ZNF276: variants seen among roughly 807,000 people sequenced by gnomAD.
ZNF276 encodes zinc finger protein 276, also known as centromere protein Z.
In ZNF276, 59 loss-of-function variants were observed where a neutral mutation model predicts 63.9. That is an observed-to-expected ratio of 0.92 (90% CI 0.75 to 1.15). ZNF276 has a LOEUF of 1.15. Ranked by LOEUF, ZNF276 falls within the 50% of genes most tolerant of loss-of-function variation. ZNF276 has a pLI of 0.00. For missense variants in ZNF276, 1,084 were observed against 843.8 expected (o/e 1.28, Z -3.53); for synonymous variants, 496 against 348.4 (o/e 1.42, Z -4.72).
Position 89,729,354 on chromosome 16 carries a change from G to A in ZNF276, c.1169+36G>A, listed in dbSNP as rs375243846. 91 of 1,596,602 alleles carry A rather than the reference G, an allele frequency of 5.7e-5. No individual in the cohort carries two copies. In the South Asian group the frequency reaches 7.4e-4, roughly 13 times the overall value. On this transcript the variant is annotated intron_variant, in intron 6 of 10. Coordinates refer to ENST00000443381, the MANE Select transcript of ZNF276 (RefSeq NM_001113525.2). ...AGCCCGGGGTCTGCTGGAGGCATCCGTTGGGCGACCTAGACACCCGCCTGT... is the reference window on the plus strand; with the variant it reads ...AGCCCGGGGTCTGCTGGAGGCATCCATTGGGCGACCTAGACACCCGCCTGT...
At chr16:89,727,431 G>A (rs1309312113) in intron 5 of ZNF276, 74 bp downstream of exon 5, 3 of 1,531,230 alleles carry the variant, frequency 2.0e-6, no homozygotes, top group Non-Finnish European at 2.7e-6. Context: ...TGAGGGGTGA[G>A]AGAAGAGTGG....
In ZNF276 at chr16:89,739,315, T is replaced by TG. The variant is rs530872988; in HGVS notation, c.*1071dup. ...CTAGAGGTAAAGACATAGTGACAAA[T>TG]GGCTACAGACTGCTGGAAAGGTAGC... On this transcript the variant is annotated 3_prime_UTR_variant, in exon 11 of 11. Transcript: ENST00000443381. 77 of 1,613,962 alleles carry TG rather than the reference T, an allele frequency of 4.8e-5. No individual in the cohort carries two copies. The East Asian group carries it at 1.7e-3, about 35-fold the overall frequency.
At chr16:89,736,866 T>C (rs1484439884) in intron 9 of ZNF276, among the ~76,000 whole-genome samples, 2 of 150,572 alleles carry the variant, frequency 1.3e-5, no homozygotes, top group Non-Finnish European at 3.0e-5. Context: ...GATTGGGCTG[T>C]TGCACTCCAG....
At position 89,738,582 on chromosome 16, in the gene ZNF276, T is replaced by C; in HGVS notation, c.*336T>C. 6.2e-7 allele frequency: 1 copy of C among 1,613,150 alleles called. No homozygotes were observed. Among genetic ancestry groups the C allele is most frequent in the African/African-American group, 1.3e-5 (1 of 75,046 alleles). ...ATTATTTACACGGGAGCTGGGCTGG[T>C]GTGCAGTGGCAGGTCCCGTCAGAAG... is the stretch of plus-strand genomic sequence containing the variant. On this transcript the variant is annotated 3_prime_UTR_variant, in exon 11 of 11. Transcript: ENST00000443381.
At chr16:89,722,380 C>T in intron 1 of ZNF276, 151 bp from the exon 2 acceptor site, 2 of 858,334 alleles carry the variant, frequency 2.3e-6, no homozygotes, top group Non-Finnish European at 3.5e-6. Flanking sequence ...GGCGGCTTGT[C>T]CCGCCGAGAG....
chr16:89,722,880 A>C, intron 2 of ZNF276, 46 bp downstream of exon 2: 1 of 1,578,636 alleles, frequency 6.3e-7, no homozygotes, highest in Non-Finnish European at 8.6e-7. Flanking sequence ...TCAGTACTGC[A>C]GTGTGACGGG....
At position 89,740,796 on chromosome 16, in the gene ZNF276, T is replaced by G; in HGVS notation, c.*2550T>G. ...AGAGGACACCTTGGCTGGTAAGGTCTGACTTACATTTGAGGTCAGATGTGA... is the reference window on the plus strand; with the variant it reads ...AGAGGACACCTTGGCTGGTAAGGTCGGACTTACATTTGAGGTCAGATGTGA... On this transcript the variant is annotated 3_prime_UTR_variant, in exon 11 of 11. Transcript: ENST00000443381. The G allele has an allele frequency of 6.2e-7, 1 of 1,613,122 alleles. No individual in the cohort carries two copies. The highest frequency in any genetic ancestry group is 1.1e-5 in the South Asian group (1 of 90,930).
intron 4 of ZNF276, among the ~76,000 whole-genome samples, chr16:89,724,050 G>A (rs2061393673): frequency 6.6e-6 from 1 of 152,248 alleles, no homozygotes; most frequent in Admixed American, 6.5e-5. Context: ...TGTGGATGTG[G>A]GAGAAAAGAA....
chr16:89,730,716 G>C (rs187587452), intron 6 of ZNF276, among the ~76,000 whole-genome samples: 1 of 152,158 alleles, frequency 6.6e-6, no homozygotes, highest in Admixed American at 6.5e-5. Flanking sequence ...TCCTGACTGC[G>C]GCGAGTACCA....
At chr16:89,721,216 C>G (rs1046962920), upstream of ZNF276, 1 of 225,410 alleles carries the variant, frequency 4.4e-6, no homozygotes, top group Admixed American at 5.8e-5. Context: ...AGCCCGCCCG[C>G]CACCTGCGCG....
At chr16:89,733,233 T>C in intron 6 of ZNF276, 69 bp from the exon 7 acceptor site, 1 of 1,399,012 alleles carries the variant, frequency 7.1e-7, no homozygotes, top group South Asian at 1.2e-5. Context: ...TTTCTCAGGT[T>C]GGAGAGACAA....
Position 89,739,309 on chromosome 16 carries a change from G to A in ZNF276, c.*1063G>A, listed in dbSNP as rs766594215. 5.6e-6 allele frequency: 9 copies of A among 1,614,054 alleles called. No homozygotes were observed. Among genetic ancestry groups the A allele is most frequent in the Non-Finnish European group, 5.9e-6 (7 of 1,180,004 alleles). On this transcript the variant is annotated 3_prime_UTR_variant, in exon 11 of 11. Coordinates refer to ENST00000443381, the MANE Select transcript of ZNF276 (RefSeq NM_001113525.2). ...AGAAGACTAGAGGTAAAGACATAGT[G>A]ACAAATGGCTACAGACTGCTGGAAA...
intron 6 of ZNF276, 103 bp downstream of exon 6, chr16:89,729,421 C>T (rs894808244): frequency 2.6e-5 from 27 of 1,035,084 alleles, no homozygotes; most frequent in African/African-American, 9.5e-5. Flanking sequence ...TTCACTCTCT[C>T]GTGTGCGGAT....
Position 89,722,726 on chromosome 16 carries a change from T to C in ZNF276, c.401T>C (p.Phe134Ser). ...CGCCAGGACCCCACCTTGTCTCCGT[T>C]TGTCTGCAAGAGCTGCCACGCCCAG... ...AVRQDPTLSP[F>S]VCKSCHAQFY... The change falls in exon 2 of 11, where the codon TTT (phenylalanine) becomes TCT (serine). Residue 134 changes from phenylalanine (F) to serine (S), a missense_variant. By Grantham distance (155) the Phe-to-Ser change is radical. Transcript: ENST00000443381. 6.2e-7 allele frequency: 1 copy of C among 1,612,228 alleles called. No homozygotes were observed.
upstream of ZNF276, chr16:89,721,350 A>C: frequency 3.3e-6 from 1 of 306,770 alleles, no homozygotes; most frequent in Non-Finnish European, 6.0e-6. Context: ...CCCTCCGCCC[A>C]CCGCCCCGCC....
chr16:89,721,667 C>T lies in ZNF276; in HGVS notation c.27C>T (p.Phe9=), dbSNP rs2151654076. 3.4e-6 allele frequency: 5 copies of T among 1,464,212 alleles called. No individual in the cohort carries two copies. The South Asian group carries it at 6.5e-5, about 19-fold the overall frequency. The allele number at this position is 1,464,212 out of a possible 1,614,324, so 90.7% of individuals were successfully genotyped here. The part of the protein sequence containing the change: MKRDRLGR[F]LSPGSSRQCG... ...TGAAGCGGGACCGGCTGGGCCGCTT[C>T]CTGTCTCCTGGGTCGTCCCGACAGT... Residue 9 remains phenylalanine, a synonymous_variant, in exon 1 of 11, where the codon TTC becomes TTT. Coordinates refer to ENST00000443381, the MANE Select transcript of ZNF276 (RefSeq NM_001113525.2).
intron 5 of ZNF276, among the ~76,000 whole-genome samples, chr16:89,728,038 C>G (rs1235777426): frequency 2.6e-5 from 4 of 152,180 alleles, no homozygotes; most frequent in Non-Finnish European, 1.5e-5. Context: ...AACACAGATG[C>G]ACCTCATCCA....
chr16:89,739,670 T>C lies in ZNF276; in HGVS notation c.*1424T>C. 6.6e-7 allele frequency: 1 copy of C among 1,510,396 alleles called. No homozygotes were observed. Among genetic ancestry groups the C allele is most frequent in the Non-Finnish European group, 9.0e-7 (1 of 1,115,720 alleles). 93.6% of individuals were successfully genotyped at this position (1,510,396 alleles called of 1,614,324 possible). A position where few individuals can be genotyped will look rare whatever the true frequency, so the allele number is the denominator to read the frequency against. ...GGGAGGCCTGGCTGTGGGGATAGTG[T>C]GGGGCGAACAGCCTGAGCTGAGGAT... On this transcript the variant is annotated 3_prime_UTR_variant, in exon 11 of 11. Coordinates refer to ENST00000443381, the MANE Select transcript of ZNF276 (RefSeq NM_001113525.2).
At position 89,733,310 on chromosome 16, in the gene ZNF276, G is replaced by A. The variant is rs752357779; in HGVS notation, c.1178G>A (p.Gly393Asp). ...FEPYPERKVS[G>D]KKSESKEAKK... ...GAACCTCTTTTTTTCAGAGTCTCTG[G>A]TAAGAAGAGTGAAAGCAAAGAAGCC... Residue 393 changes from glycine (G) to aspartate (D), a missense_variant, in exon 7 of 11, where the codon GGT becomes GAT. By Grantham distance (94) the Gly-to-Asp change is moderately conservative. Coordinates refer to ENST00000443381, the MANE Select transcript of ZNF276 (RefSeq NM_001113525.2). The A allele has an allele frequency of 1.2e-6, 2 of 1,613,968 alleles. No homozygotes were observed. The highest frequency in any genetic ancestry group is 8.5e-7 in the Non-Finnish European group (1 of 1,179,964).
Sources: allele counts gnomAD v4.1 joint callset (sites outside exome capture counted in the v4.1 genomes callset), GRCh38; gene constraint gnomAD v4.1.1; transcripts MANE v1.5; gene names NCBI Gene and HGNC (gene_info 2026-07-23, HGNC 2026-07-21).